Variants in EPHA3 observed in about 807,000 individuals in gnomAD.
EPHA3 encodes ephrin type-A receptor 3.
EPHA3 carries 42 observed loss-of-function variants against 107.1 expected under a neutral mutation model. The ratio of observed to expected loss-of-function variants is 0.39; its 90% CI spans 0.31 to 0.51. EPHA3 has a LOEUF of 0.51. Ranked by LOEUF, EPHA3 falls within the 20% of genes least tolerant of loss-of-function variation. The pLI, the probability that EPHA3 is intolerant of heterozygous loss-of-function variation, is 0.78. For missense variants in EPHA3, 1,183 were observed against 1,211.2 expected, an observed-to-expected ratio of 0.98 and a Z score of 0.35; for synonymous variants, 461 against 424.8, an observed-to-expected ratio of 1.09 and a Z score of -1.05.
chr3:89,275,205 A>G (rs71322866), intron 3 of EPHA3, among the ~76,000 whole-genome samples: 3 of 151,824 alleles, frequency 2.0e-5, no homozygotes, highest in Non-Finnish European at 2.9e-5. Flanking sequence ...GCTATGAGAC[A>G]GTCCTTGCGG....
At chr3:89,421,949 C>A (rs1014965976) in intron 11 of EPHA3, among the ~76,000 whole-genome samples, 1 of 151,086 alleles carries the variant, frequency 6.6e-6, no homozygotes, top group South Asian at 2.1e-4. Flanking sequence ...TTACAACTGC[C>A]TTATTCTTAG....
chr3:89,137,167 T>G (rs1229777346), intron 2 of EPHA3, among the ~76,000 whole-genome samples: 1 of 152,010 alleles, frequency 6.6e-6, no homozygotes, highest in East Asian at 1.9e-4. Context: ...AAATGGCCTA[T>G]TCCTTTAATA....
intron 3 of EPHA3, among the ~76,000 whole-genome samples, chr3:89,332,647 T>G (rs562930068): frequency 2.0e-5 from 3 of 152,312 alleles, no homozygotes; most frequent in East Asian, 3.9e-4. Context: ...CAGCTCATTT[T>G]GGGCATAAAC....
intron 7 of EPHA3, among the ~76,000 whole-genome samples, chr3:89,405,358 G>A (rs1709036201): frequency 6.6e-6 from 1 of 152,194 alleles, no homozygotes; most frequent in Non-Finnish European, 1.5e-5. Context: ...CTTGAAGGCT[G>A]TAGCTGAAGG....
chr3:89,121,015 G>A (rs558310213), intron 1 of EPHA3, among the ~76,000 whole-genome samples: 1 of 152,120 alleles, frequency 6.6e-6, no homozygotes, highest in South Asian at 2.1e-4. Context: ...CGAGGCCGGC[G>A]GTTCACGAGG....
intron 3 of EPHA3, among the ~76,000 whole-genome samples, chr3:89,246,248 T>A (rs1241342346): frequency 1.3e-5 from 2 of 152,130 alleles, no homozygotes; most frequent in Non-Finnish European, 1.5e-5. Flanking sequence ...AAACTTGAAG[T>A]TTATATTTTA....
chr3:89,172,291 C>T (rs1038181548), intron 2 of EPHA3, among the ~76,000 whole-genome samples: 15 of 152,070 alleles, frequency 9.9e-5, no homozygotes, highest in Admixed American at 8.5e-4. Context: ...TGTGCCCAAA[C>T]CTTGTCAGAG....
intron 2 of EPHA3, among the ~76,000 whole-genome samples, chr3:89,168,978 A>G (rs1387765910): frequency 1.3e-5 from 2 of 152,068 alleles, no homozygotes; most frequent in Non-Finnish European, 2.9e-5. Flanking sequence ...AATTAAGCAA[A>G]TACTCAGAAC....
At chr3:89,208,493 AG>A (rs1706181543) in intron 2 of EPHA3, among the ~76,000 whole-genome samples, 1 of 148,862 alleles carries the variant, frequency 6.7e-6, no homozygotes. Context: ...AGAAAAAGAA[AG>A]GAGGGAGGGA....
chr3:89,354,989 A>C (rs566669829), intron 5 of EPHA3, among the ~76,000 whole-genome samples: 9 of 151,258 alleles, frequency 6.0e-5, no homozygotes, highest in African/African-American at 1.9e-4. Flanking sequence ...TCAAAATTTC[A>C]CATGATTGTA....
chr3:89,184,468 G>T (rs1361763023), intron 2 of EPHA3, among the ~76,000 whole-genome samples: 1 of 151,976 alleles, frequency 6.6e-6, no homozygotes, highest in Non-Finnish European at 1.5e-5. Flanking sequence ...ATTTAGTTTA[G>T]ATATGCCATA....
At chr3:89,353,682 C>T (rs1157442986) in intron 5 of EPHA3, among the ~76,000 whole-genome samples, 1 of 151,278 alleles carries the variant, frequency 6.6e-6, no homozygotes, top group Non-Finnish European at 1.5e-5. Context: ...TGCCTCTCAG[C>T]CATCACACCC....
chr3:89,183,248 T>C (rs1705485501), intron 2 of EPHA3, among the ~76,000 whole-genome samples: 1 of 151,960 alleles, frequency 6.6e-6, no homozygotes, highest in Non-Finnish European at 1.5e-5. Flanking sequence ...AAATTAAATA[T>C]GAATTTTAAA....
rs116478982 is a variant in EPHA3 at position 89,115,802 on chromosome 3, C to T, written c.88+7966C>T. On this transcript the variant is annotated intron_variant, in intron 1 of 16. Coordinates refer to ENST00000336596, the MANE Select transcript of EPHA3 (RefSeq NM_005233.6). ...AATAAAGCGGTAACTAAGCCAAGCCCTCTCTCGTCTTTGTCTTTTGATTTT... is the reference window on the plus strand; with the variant it reads ...AATAAAGCGGTAACTAAGCCAAGCCTTCTCTCGTCTTTGTCTTTTGATTTT... 5.2e-3 allele frequency among the ~76,000 whole-genome samples: 798 copies of T among 152,224 alleles called. 8 individuals carry two copies. Among genetic ancestry groups the T allele is most frequent in the African/African-American group, 0.018 (741 of 41,520 alleles).
chr3:89,224,850 A>AAAT (rs948376171), intron 3 of EPHA3, among the ~76,000 whole-genome samples: 3 of 151,586 alleles, frequency 2.0e-5, no homozygotes, highest in African/African-American at 4.8e-5. Context: ...CTCTGTCTCA[A>AAAT]AATAATAATA....
intron 2 of EPHA3, among the ~76,000 whole-genome samples, chr3:89,180,846 A>T (rs1274170058): frequency 6.6e-6 from 1 of 151,996 alleles, no homozygotes; most frequent in Admixed American, 6.6e-5. Flanking sequence ...TACTCTGGCA[A>T]GTTTAGTTTG....
At chr3:89,426,707 T>C (rs1367173650) in intron 11 of EPHA3, among the ~76,000 whole-genome samples, 1 of 151,916 alleles carries the variant, frequency 6.6e-6, no homozygotes, top group Non-Finnish European at 1.5e-5. Context: ...AAAAATGCAG[T>C]AACTGGCCAA....
rs60237041 is a variant in EPHA3 at position 89,476,585 on chromosome 3, T to TTTTATTTA, written c.2847-2787_2847-2780dup. ...ATTTACTTTCCATGACTATTATTAT[T>TTTTATTTA]TTTATTTATTTATTTATTTATTTAT... On this transcript the variant is annotated intron_variant, in intron 16 of 16. Transcript: ENST00000336596. 8.9e-3 allele frequency among the ~76,000 whole-genome samples: 1,144 copies of TTTTATTTA among 129,070 alleles called. 24 individuals are homozygous for TTTTATTTA. Among genetic ancestry groups the TTTTATTTA allele is most frequent in the African/African-American group, 0.03 (1,081 of 35,550 alleles). The allele number at this position is 129,070 out of a possible 152,430, so 84.7% of individuals were successfully genotyped here.
chr3:89,302,459 G>T (rs902176215), intron 3 of EPHA3, among the ~76,000 whole-genome samples: 13 of 152,056 alleles, frequency 8.5e-5, no homozygotes, highest in Non-Finnish European at 1.3e-4. Context: ...CTATCCATTT[G>T]AGGAGTTTGA....
Sources: gnomAD v4.1 joint callset for allele counts (sites outside exome capture counted in the v4.1 genomes callset) on GRCh38, gnomAD v4.1.1 for gene constraint, MANE v1.5 for transcripts, NCBI Gene and HGNC (gene_info 2026-07-23, HGNC 2026-07-21) for gene names.